CDH18: variants seen among roughly 807,000 people sequenced by gnomAD.
The protein encoded by CDH18 is cadherin 18.
A neutral mutation model predicts 67.9 loss-of-function variants in CDH18; 31 were observed. The observed-to-expected ratio is 0.46, with a 90% confidence interval of 0.34 to 0.62. The LOEUF (loss-of-function observed/expected upper bound fraction) is 0.62. CDH18 is among the 20% of genes least tolerant of loss of function. The pLI, the probability that CDH18 is intolerant of heterozygous loss-of-function variation, is 0.01. For synonymous variants in CDH18, 362 were observed against 347.2 expected (o/e 1.04, Z -0.48); for missense variants, 890 against 975.5 (o/e 0.91, Z 1.17).
intron 1 of CDH18, among the ~76,000 whole-genome samples, chr5:20,501,737 G>GTGTC (rs1258317566): frequency 6.9e-6 from 1 of 145,850 alleles, no homozygotes; most frequent in Non-Finnish European, 1.5e-5. Flanking sequence ...GTGTGTGTGT[G>GTGTC]TGTGTGTGTG....
At chr5:19,566,460 G>T (rs1740413826) in intron 8 of CDH18, among the ~76,000 whole-genome samples, 1 of 152,212 alleles carries the variant, frequency 6.6e-6, no homozygotes, top group Non-Finnish European at 1.5e-5. Flanking sequence ...AGAAAAAGAG[G>T]TTTAATGGAT....
chr5:19,853,016 G>T (rs540752027), intron 2 of CDH18, among the ~76,000 whole-genome samples: 2 of 151,972 alleles, frequency 1.3e-5, no homozygotes, highest in African/African-American at 4.8e-5. Flanking sequence ...GAAAAATAAA[G>T]AATAAAAAAA....
intron 2 of CDH18, among the ~76,000 whole-genome samples, chr5:20,087,694 T>C (rs1198344995): frequency 6.6e-6 from 1 of 151,778 alleles, no homozygotes; most frequent in Non-Finnish European, 1.5e-5. Flanking sequence ...AGCATGTACG[T>C]TTTTTAAATA....
intron 1 of CDH18, among the ~76,000 whole-genome samples, chr5:20,543,557 G>C (rs1194359299): frequency 6.6e-6 from 1 of 152,100 alleles, no homozygotes. Flanking sequence ...GGCCAGAATA[G>C]AAAGATTTTA....
At chr5:19,697,171 T>C (rs376013138) in intron 5 of CDH18, among the ~76,000 whole-genome samples, 3 of 152,174 alleles carry the variant, frequency 2.0e-5, no homozygotes, top group East Asian at 3.9e-4. Flanking sequence ...GTGGAAAATA[T>C]CTTGTTCTGT....
At chr5:20,183,364 T>A (rs1001295165) in intron 2 of CDH18, among the ~76,000 whole-genome samples, 13 of 152,234 alleles carry the variant, frequency 8.5e-5, no homozygotes, top group Admixed American at 7.2e-4. Flanking sequence ...AATAATGGGC[T>A]ATTTCATTTA....
intron 1 of CDH18, among the ~76,000 whole-genome samples, chr5:20,434,011 T>A (rs1748973926): frequency 6.6e-6 from 1 of 152,102 alleles, no homozygotes; most frequent in Non-Finnish European, 1.5e-5. Context: ...CAACCATTTG[T>A]ATGAGAATTT....
chr5:19,831,271 C>T (rs1780994807), intron 3 of CDH18, among the ~76,000 whole-genome samples: 1 of 152,038 alleles, frequency 6.6e-6, no homozygotes, highest in South Asian at 2.1e-4. Context: ...TGACAAGTAA[C>T]ATCTAGTCAT....
intron 2 of CDH18, among the ~76,000 whole-genome samples, chr5:20,020,809 C>T (rs1738347747): frequency 1.3e-5 from 2 of 152,148 alleles, no homozygotes; most frequent in African/African-American, 2.4e-5. Context: ...GGGTTGGAGC[C>T]TCCAAACAGA....
intron 4 of CDH18, among the ~76,000 whole-genome samples, chr5:19,741,156 GTCA>G (rs1433281089): frequency 6.8e-6 from 1 of 147,350 alleles, no homozygotes; most frequent in African/African-American, 2.5e-5. Flanking sequence ...GTACATCTAT[GTCA>G]TCTATGTATA....
chr5:20,050,487 T>C (rs1741322463), intron 2 of CDH18, among the ~76,000 whole-genome samples: 1 of 151,862 alleles, frequency 6.6e-6, no homozygotes, highest in Non-Finnish European at 1.5e-5. Flanking sequence ...AAGCTCACAT[T>C]GTAGTTATTT....
At chr5:19,901,390 C>T (rs182361019) in intron 2 of CDH18, among the ~76,000 whole-genome samples, 1 of 152,070 alleles carries the variant, frequency 6.6e-6, no homozygotes, top group African/African-American at 2.4e-5. Context: ...GTCTCCAAGA[C>T]ATCTTTCTTC....
chr5:20,372,487 C>A (rs1743083122), intron 1 of CDH18, among the ~76,000 whole-genome samples: 1 of 151,608 alleles, frequency 6.6e-6, no homozygotes, highest in Non-Finnish European at 1.5e-5. Context: ...AACTTAAGAG[C>A]TAGATCTTTA....
chr5:19,785,679 AATATATATATATATATAT>A lies in CDH18; in HGVS notation c.229-38461_229-38444del, dbSNP rs869169879. On this transcript the variant is annotated intron_variant, in intron 3 of 12. Coordinates refer to ENST00000382275, the MANE Select transcript of CDH18 (RefSeq NM_004934.5). Reference sequence around the variant, plus strand: ...CAAAAAAAAAAAAAAAAAAAAAAAAAATATATATATATATATATATATATATATATATATATATATATA... The same window carrying A: ...CAAAAAAAAAAAAAAAAAAAAAAAAAATATATATATATATATATATATATA... Among the ~76,000 whole-genome samples, 194 of 28,108 alleles carry A rather than the reference AATATATATATATATATAT, an allele frequency of 6.9e-3. 2 individuals carry two copies. The highest frequency in any genetic ancestry group is 0.012 in the African/African-American group (88 of 7,350). 18.4% of individuals were successfully genotyped at this position (28,108 alleles called of 152,430 possible). A position where few individuals can be genotyped will look rare whatever the true frequency, so the allele number is the denominator to read the frequency against.
intron 1 of CDH18, among the ~76,000 whole-genome samples, chr5:20,555,667 A>G (rs1233993678): frequency 6.6e-6 from 1 of 151,836 alleles, no homozygotes; most frequent in Non-Finnish European, 1.5e-5. Flanking sequence ...AATGATAGTT[A>G]CTGTTTTGAG....
intron 1 of CDH18, among the ~76,000 whole-genome samples, chr5:20,302,637 C>T (rs1182326213): frequency 6.6e-6 from 1 of 152,156 alleles, no homozygotes; most frequent in Non-Finnish European, 1.5e-5. Context: ...AAATTGCTCC[C>T]GGCCCCAAAC....
chr5:20,074,784 A>G (rs1743782599), intron 2 of CDH18, among the ~76,000 whole-genome samples: 1 of 151,076 alleles, frequency 6.6e-6, no homozygotes, highest in East Asian at 1.9e-4. Context: ...GATTTTATGT[A>G]CAATTTCTAC....
intron 10 of CDH18, among the ~76,000 whole-genome samples, chr5:19,512,485 T>C (rs1745277747): frequency 6.6e-6 from 1 of 152,170 alleles, no homozygotes. Context: ...AGAGAGACAG[T>C]AGTTGAGTGC....
chr5:19,954,669 T>C (rs1258382627), intron 2 of CDH18, among the ~76,000 whole-genome samples: 3 of 151,774 alleles, frequency 2.0e-5, no homozygotes, highest in Admixed American at 6.6e-5. Context: ...AAAAAGTAAA[T>C]AGGAAAAAAA....
Sources: gnomAD v4.1 joint callset for allele counts (sites outside exome capture counted in the v4.1 genomes callset) on GRCh38, gnomAD v4.1.1 for gene constraint, MANE v1.5 for transcripts, NCBI Gene and HGNC (gene_info 2026-07-23, HGNC 2026-07-21) for gene names.